The following ANGPT1 variants were observed in gnomAD, a reference collection of about 807,000 sequenced individuals.
ANGPT1 encodes the protein angiopoietin 1.
In ANGPT1, 17 loss-of-function variants were observed where a neutral mutation model predicts 62.2. That is an observed-to-expected ratio of 0.27 (90% confidence interval 0.19 to 0.41). The LOEUF (loss-of-function observed/expected upper bound fraction) is 0.41, where lower values mean the gene tolerates loss of function less well. Ranked by LOEUF, ANGPT1 falls within the 10% of genes least tolerant of loss-of-function variation. The pLI, the probability that ANGPT1 is intolerant of heterozygous loss-of-function variation, is 1.00. For synonymous variants in ANGPT1, 199 were observed against 198.9 expected (o/e 1.00, Z 0.00); for missense variants, 478 against 594.9 (o/e 0.80, Z 2.04).
At chr8:107,384,875 G>A (rs1172551071) in intron 1 of ANGPT1, among the ~76,000 whole-genome samples, 3 of 152,116 alleles carry the variant, frequency 2.0e-5, no homozygotes, top group Non-Finnish European at 2.9e-5. Context: ...ATTGAATGGG[G>A]TGTCATTTTC....
intron 4 of ANGPT1, among the ~76,000 whole-genome samples, chr8:107,313,361 T>A (rs1395759295): frequency 2.0e-5 from 3 of 151,506 alleles, no homozygotes; most frequent in African/African-American, 7.3e-5. Flanking sequence ...AAGTTAGTTT[T>A]CATGTTGATA....
At chr8:107,467,876 T>C (rs1352099288) in intron 1 of ANGPT1, among the ~76,000 whole-genome samples, 2 of 152,180 alleles carry the variant, frequency 1.3e-5, no homozygotes, top group Admixed American at 6.6e-5. Context: ...GTGCTAGTAC[T>C]TTAAACAGGT....
At chr8:107,395,851 T>A (rs1156923542) in intron 1 of ANGPT1, among the ~76,000 whole-genome samples, 3 of 152,134 alleles carry the variant, frequency 2.0e-5, no homozygotes, top group African/African-American at 7.2e-5. Context: ...TACTTCTTCA[T>A]CATTGAATGC....
At chr8:107,270,350 C>A (rs1293873211) in intron 7 of ANGPT1, among the ~76,000 whole-genome samples, 1 of 152,056 alleles carries the variant, frequency 6.6e-6, no homozygotes, top group Non-Finnish European at 1.5e-5. Flanking sequence ...ACAAGCTGAG[C>A]AGATTTTTAT....
At chr8:107,363,656 T>A (rs374951165) in intron 1 of ANGPT1, among the ~76,000 whole-genome samples, 1 of 152,124 alleles carries the variant, frequency 6.6e-6, no homozygotes, top group South Asian at 2.1e-4. Context: ...AGAAAAATCA[T>A]AAATATACCT....
At chr8:107,443,520 G>C (rs1811531221) in intron 1 of ANGPT1, among the ~76,000 whole-genome samples, 1 of 151,848 alleles carries the variant, frequency 6.6e-6, no homozygotes, top group African/African-American at 2.4e-5. Context: ...AAGTAGACTA[G>C]TATACCGGCC....
At chr8:107,438,087 C>T (rs1811376542) in intron 1 of ANGPT1, among the ~76,000 whole-genome samples, 1 of 152,148 alleles carries the variant, frequency 6.6e-6, no homozygotes, top group Admixed American at 6.5e-5. Flanking sequence ...CACCTTAACC[C>T]TCCACAATGT....
intron 1 of ANGPT1, among the ~76,000 whole-genome samples, chr8:107,458,457 A>G (rs1811980246): frequency 1.3e-5 from 2 of 152,218 alleles, no homozygotes; most frequent in South Asian, 4.1e-4. Flanking sequence ...TAGTCAAAAG[A>G]GTAGAAGTAT....
intron 1 of ANGPT1, among the ~76,000 whole-genome samples, chr8:107,410,925 G>C (rs1586299502): frequency 1.3e-5 from 2 of 152,140 alleles, no homozygotes; most frequent in East Asian, 3.9e-4. Context: ...TTACATAACT[G>C]TTTGTGCCAA....
At chr8:107,271,056 T>C (rs1813722272) in intron 7 of ANGPT1, among the ~76,000 whole-genome samples, 2 of 151,942 alleles carry the variant, frequency 1.3e-5, no homozygotes, top group Non-Finnish European at 2.9e-5. Flanking sequence ...TAACCAAAAC[T>C]CTTCCTTTTT....
At chr8:107,489,284 G>A (rs1319754931) in intron 1 of ANGPT1, among the ~76,000 whole-genome samples, 1 of 151,976 alleles carries the variant, frequency 6.6e-6, no homozygotes, top group Non-Finnish European at 1.5e-5. Context: ...ATTTACTTCA[G>A]ACACACCTCA....
At chr8:107,326,194 G>C (rs1815284488) in intron 3 of ANGPT1, among the ~76,000 whole-genome samples, 1 of 152,002 alleles carries the variant, frequency 6.6e-6, no homozygotes, top group African/African-American at 2.4e-5. Context: ...AACTAAGAAG[G>C]CTACTCTACA....
In ANGPT1 at chr8:107,346,820, A is replaced by G. The variant is rs41474548; in HGVS notation, c.453+122T>C. ...CAGGCAGTCATTGTTGTTATTACCAATAAACAAAAATGTATGTTTCCCTAA... is the reference window on the plus strand; with the variant it reads ...CAGGCAGTCATTGTTGTTATTACCAGTAAACAAAAATGTATGTTTCCCTAA... On this transcript the variant is annotated intron_variant, in intron 2 of 8. Transcript: ENST00000517746. 10,781 of 903,316 alleles carry G rather than the reference A, an allele frequency of 0.012. 789 individuals carry two copies. In the African/African-American group the frequency reaches 0.16, roughly 13 times the overall value. The allele number at this position is 903,316 out of a possible 1,614,324, so 56.0% of individuals were successfully genotyped here.
At position 107,366,446 on chromosome 8, in the gene ANGPT1, T is replaced by TA. The variant is rs576938698; in HGVS notation, c.298-19350dup. ...TAGCACAAAAGTATCTCTGTACAATTAAAAAAATATAACTGGCAAAACCTG... is the reference window on the plus strand; with the variant it reads ...TAGCACAAAAGTATCTCTGTACAATTAAAAAAAATATAACTGGCAAAACCTG... On this transcript the variant is annotated intron_variant, in intron 1 of 8. Coordinates refer to ENST00000517746, the MANE Select transcript of ANGPT1 (RefSeq NM_001146.5). Among the ~76,000 whole-genome samples, 3 of 152,246 alleles carry TA rather than the reference T, an allele frequency of 2.0e-5. No individual in the cohort carries two copies. In the South Asian group the frequency reaches 6.2e-4, roughly 32 times the overall value.
chr8:107,360,013 G>A (rs1291508759), intron 1 of ANGPT1, among the ~76,000 whole-genome samples: 1 of 152,158 alleles, frequency 6.6e-6, no homozygotes, highest in Admixed American at 6.5e-5. Flanking sequence ...CCTGGTTGGA[G>A]AAATTCTGGA....
At chr8:107,252,052 G>C (rs747976205) in intron 8 of ANGPT1, 37 bp from the exon 9 acceptor site, 24 of 1,550,482 alleles carry the variant, frequency 1.5e-5, no homozygotes, top group Non-Finnish European at 2.0e-5. Context: ...GAGAAGGAGA[G>C]GCAACAATTT....
intron 3 of ANGPT1, among the ~76,000 whole-genome samples, chr8:107,326,750 G>C (rs1815299488): frequency 6.6e-6 from 1 of 152,030 alleles, no homozygotes; most frequent in Non-Finnish European, 1.5e-5. Context: ...GATTCTTAAA[G>C]CAATATAGTA....
In ANGPT1 at chr8:107,336,184, T is replaced by C. The variant is rs758928836; in HGVS notation, c.541A>G (p.Thr181Ala). The C allele has an allele frequency of 6.7e-5, 108 of 1,606,440 alleles. No individual in the cohort carries two copies. Among genetic ancestry groups the C allele is most frequent in the Non-Finnish European group, 8.9e-5 (105 of 1,178,048 alleles). Reference sequence around the variant, plus strand: ...TCATGGATCTTCAAGATTTCATTTGTCTGTTGAAGAAGTTGCTTCTCTAGC... The same window carrying C: ...TCATGGATCTTCAAGATTTCATTTGCCTGTTGAAGAAGTTGCTTCTCTAGC... ...YKLEKQLLQQTNEILKIHEKN... is the reference protein window; with the variant it reads ...YKLEKQLLQQANEILKIHEKN... The change falls in exon 3 of 9, where the codon ACA becomes GCA. Residue 181 changes from threonine (T) to alanine (A), a missense_variant. Coordinates refer to ENST00000517746, the MANE Select transcript of ANGPT1 (RefSeq NM_001146.5).
intron 7 of ANGPT1, 95 bp from the exon 8 acceptor site, chr8:107,264,446 T>C (rs1586170005): frequency 6.9e-7 from 1 of 1,443,310 alleles, no homozygotes; most frequent in East Asian, 2.4e-5. Flanking sequence ...TTTTCATCAT[T>C]TTCTTCTTTC....
Sources: gnomAD v4.1 joint callset for allele counts (sites outside exome capture counted in the v4.1 genomes callset) on GRCh38, gnomAD v4.1.1 for gene constraint, MANE v1.5 for transcripts, NCBI Gene and HGNC (gene_info 2026-07-23, HGNC 2026-07-21) for gene names.